Variants in PRKCE observed in about 807,000 individuals in gnomAD.
The protein encoded by PRKCE is protein kinase C epsilon, also known as protein kinase C epsilon type.
A neutral mutation model predicts 85.4 loss-of-function variants in PRKCE; 16 were observed. That is an observed-to-expected ratio of 0.19 (90% CI 0.13 to 0.28). PRKCE has a LOEUF of 0.28. Ranked by LOEUF, PRKCE falls within the 10% of genes least tolerant of loss-of-function variation. The pLI is 1.00. For synonymous variants in PRKCE, 388 were observed against 371.5 expected, an observed-to-expected ratio of 1.04 and a Z score of -0.51; for missense variants, 573 against 975.2, an observed-to-expected ratio of 0.59 and a Z score of 5.49.
At chr2:45,737,232 C>T (rs1040806195) in intron 1 of PRKCE, among the ~76,000 whole-genome samples, 4 of 152,178 alleles carry the variant, frequency 2.6e-5, no homozygotes, top group East Asian at 1.9e-4. Flanking sequence ...GGTGAGCGAG[C>T]GAGCAAGCAT....
intron 5 of PRKCE, 142 bp downstream of exon 5, chr2:45,980,523 T>C (rs1030838216): frequency 9.2e-6 from 7 of 762,420 alleles, no homozygotes; most frequent in Non-Finnish European, 1.5e-5. Flanking sequence ...AAGGGAGCTG[T>C]CCACGGTCTT....
intron 2 of PRKCE, among the ~76,000 whole-genome samples, chr2:45,904,525 C>A (rs558458866): frequency 6.6e-6 from 1 of 152,038 alleles, no homozygotes; most frequent in Non-Finnish European, 1.5e-5. Context: ...ATGAGATGAG[C>A]CTTTTGAGAA....
intron 1 of PRKCE, among the ~76,000 whole-genome samples, chr2:45,795,394 C>T (rs145028076): frequency 0.023 from 3,440 of 152,176 alleles, 148 homozygotes; most frequent in African/African-American, 0.079. Context: ...CTGCAACCTC[C>T]GCCTCCCGGG....
chr2:45,893,981 C>T (rs1235226909), intron 2 of PRKCE, among the ~76,000 whole-genome samples: 1 of 152,128 alleles, frequency 6.6e-6, no homozygotes, highest in East Asian at 1.9e-4. Flanking sequence ...CTCAGTTTGC[C>T]CATTTGTAAA....
chr2:46,018,528 A>G (rs1003886874), intron 10 of PRKCE, among the ~76,000 whole-genome samples: 54 of 152,188 alleles, frequency 3.5e-4, no homozygotes, highest in African/African-American at 1.3e-3. Flanking sequence ...CCCAGAACTC[A>G]GTGCTTTATT....
intron 2 of PRKCE, among the ~76,000 whole-genome samples, chr2:45,930,473 C>T (rs1698958940): frequency 6.6e-6 from 1 of 152,230 alleles, no homozygotes; most frequent in Non-Finnish European, 1.5e-5. Flanking sequence ...ATCTGGCCCT[C>T]TCCAGTCACC....
intron 2 of PRKCE, among the ~76,000 whole-genome samples, chr2:45,865,873 A>T (rs1222878029): frequency 2.8e-5 from 4 of 143,004 alleles, no homozygotes; most frequent in Non-Finnish European, 6.0e-5. Context: ...GCAGGAGTGC[A>T]GTGATACAAT....
intron 10 of PRKCE, among the ~76,000 whole-genome samples, chr2:46,045,679 A>G (rs1039486596): frequency 6.6e-6 from 1 of 152,120 alleles, no homozygotes; most frequent in Non-Finnish European, 1.5e-5. Context: ...AGGAGTTCGC[A>G]ACCAGCCTGG....
intron 10 of PRKCE, among the ~76,000 whole-genome samples, chr2:46,061,859 C>CTTTTTTTTTTTTTTTTTTT (rs10695600): frequency 9.3e-6 from 1 of 107,746 alleles, no homozygotes; most frequent in African/African-American, 4.0e-5. Flanking sequence ...TTTTCTTTTT[C>CTTTTTTTTTTTTTTTTTTT]TTTTTTTTTT....
intron 2 of PRKCE, among the ~76,000 whole-genome samples, chr2:45,912,797 A>G (rs1573851665): frequency 6.6e-6 from 1 of 152,274 alleles, no homozygotes; most frequent in East Asian, 1.9e-4. Flanking sequence ...ATGACAAAAT[A>G]GACTTAGTTC....
intron 1 of PRKCE, among the ~76,000 whole-genome samples, chr2:45,818,412 C>T (rs13431476): frequency 0.14 from 20,588 of 152,134 alleles, 1,869 homozygotes; most frequent in African/African-American, 0.23. Context: ...CAATACCCCA[C>T]CGGAAGTTTT....
intron 2 of PRKCE, among the ~76,000 whole-genome samples, chr2:45,911,335 G>A (rs142100962): frequency 3.3e-5 from 5 of 152,292 alleles, no homozygotes; most frequent in East Asian, 3.9e-4. Flanking sequence ...TACAAACCAG[G>A]GCTAGACAGC....
intron 10 of PRKCE, among the ~76,000 whole-genome samples, chr2:46,054,842 GAGA>G (rs144804503): frequency 0.1 from 15,585 of 152,074 alleles, 879 homozygotes; most frequent in African/African-American, 0.14. Context: ...AGACAGCAGA[GAGA>G]AGAAGCAGCT....
chr2:45,653,533 A>G (rs952628859), intron 1 of PRKCE, among the ~76,000 whole-genome samples: 1 of 152,066 alleles, frequency 6.6e-6, no homozygotes, highest in East Asian at 1.9e-4. Context: ...AAAAAGTGAG[A>G]GAGCTATCTA....
At position 45,774,450 on chromosome 2, in the gene PRKCE, A is replaced by G. The variant is rs1013875534; in HGVS notation, c.349-68550A>G. On this transcript the variant is annotated intron_variant, in intron 1 of 14. Transcript: ENST00000306156. The surrounding 1 kb of genome is among the most constrained non-coding windows in gnomAD (Gnocchi z 4.3). ...AAACTCAGCATCAGCACGGCTTTAG[A>G]GACCGAGTGCCCGCTTTTTCTCTCT... is the stretch of plus-strand genomic sequence containing the variant. Among the ~76,000 whole-genome samples, 1 of 152,186 alleles carries G rather than the reference A, an allele frequency of 6.6e-6. No homozygotes were observed. Among genetic ancestry groups the G allele is most frequent in the Admixed American group, 6.5e-5 (1 of 15,282 alleles).
chr2:45,830,931 A>G (rs1558724794), intron 1 of PRKCE, among the ~76,000 whole-genome samples: 1 of 152,272 alleles, frequency 6.6e-6, no homozygotes, highest in Admixed American at 6.5e-5. Flanking sequence ...AAACAAGGGA[A>G]TAACTCAGAA....
chr2:46,127,175 T>A (rs1673945468), intron 11 of PRKCE, among the ~76,000 whole-genome samples: 1 of 152,202 alleles, frequency 6.6e-6, no homozygotes, highest in Non-Finnish European at 1.5e-5. Flanking sequence ...TTTGTTCAGT[T>A]CAAAATTGTT....
Position 45,652,223 on chromosome 2 carries a change from C to T in PRKCE, c.123C>T (p.Tyr41=). 6.2e-7 allele frequency: 1 copy of T among 1,613,632 alleles called. No individual in the cohort carries two copies. The highest frequency in any genetic ancestry group is 8.5e-7 in the Non-Finnish European group (1 of 1,180,006). Residue 41 remains tyrosine (Y), a synonymous_variant, in exon 1 of 15, where the codon TAC becomes TAT. Coordinates refer to ENST00000306156, the MANE Select transcript of PRKCE (RefSeq NM_005400.3). This position sits in a 1 kb window ranked among gnomAD's most constrained non-coding sequence, Gnocchi z 7.7. Reference sequence around the variant, plus strand: ...CGCAGACTTTCCTTCTCGACCCCTACATTGCCCTCAATGTGGACGACTCGC... The same window carrying T: ...CGCAGACTTTCCTTCTCGACCCCTATATTGCCCTCAATGTGGACGACTCGC... ...PRPQTFLLDP[Y]IALNVDDSRI...
At chr2:45,769,029 G>A (rs1192488200) in intron 1 of PRKCE, among the ~76,000 whole-genome samples, 1 of 152,208 alleles carries the variant, frequency 6.6e-6, no homozygotes, top group Non-Finnish European at 1.5e-5. Context: ...GGGCCATTTT[G>A]GCAGCAGAGC....
Sources: allele counts gnomAD v4.1 joint callset (sites outside exome capture counted in the v4.1 genomes callset), GRCh38; gene constraint gnomAD v4.1.1; non-coding constraint Gnocchi (gnomAD v3.1); transcripts MANE v1.5; gene names NCBI Gene and HGNC (gene_info 2026-07-23, HGNC 2026-07-21).